The following ATRX variants were observed in gnomAD, a reference collection of about 807,000 sequenced individuals.
ATRX encodes chromatin remodeler ATRX.
In ATRX, 12 loss-of-function variants were observed where a neutral mutation model predicts 172.6. The ratio of observed to expected loss-of-function variants is 0.07; its 90% CI spans 0.04 to 0.11. The LOEUF is 0.11. ATRX is among the 10% of genes least tolerant of loss of function. The probability of loss-of-function intolerance (pLI) is 1.00; values close to 1 mark genes in which losing one functional copy is unlikely to be tolerated. For synonymous variants in ATRX, 674 were observed against 594.7 expected (o/e 1.13, Z -1.94); for missense variants, 1,368 against 1,767.4 (o/e 0.77, Z 4.05).
At chrX:77,657,283 A>C (rs1370697697) in intron 12 of ATRX, among the ~76,000 whole-genome samples, 3 of 111,910 alleles carry the variant, frequency 2.7e-5, no homozygotes, top group African/African-American at 9.7e-5. Context: ...TCTAGCCACA[A>C]CACCAGGAAA....
rs2071309326 is a variant in ATRX at position 77,682,825 on chromosome X, G to C, written c.2431C>G (p.Gln811Glu). 3 of 1,207,061 alleles carry C rather than the reference G, an allele frequency of 2.5e-6. No individual in the cohort carries two copies. In the East Asian group the frequency reaches 8.9e-5, roughly 36 times the overall value. Residue 811 changes from glutamine to glutamate, a missense_variant, in exon 9 of 35, where the codon CAG (glutamine) becomes GAG (glutamate). This residue lies in a region of ATRX where 843 missense variants were observed against 643.1 expected (regional missense o/e 1.31). Transcript: ENST00000373344. ...SIISKKKRQT[Q>E]SESSNYDSEL... ...GAGTCATAATTAGAAGACTCAGACT[G>C]GGTTTGTCGTTTCTTTTTAGAAATT...
chrX:77,527,891 A>T (rs1487033932), intron 30 of ATRX, among the ~76,000 whole-genome samples: 1 of 111,632 alleles, frequency 9.0e-6, no homozygotes, highest in Non-Finnish European at 1.9e-5. Flanking sequence ...GGCCCAGAGG[A>T]GGAGGGGCCG....
At position 77,683,216 on chromosome X, in the gene ATRX, T is replaced by C. The variant is rs1557140393; in HGVS notation, c.2040A>G (p.Glu680=). The C allele has an allele frequency of 8.3e-7, 1 of 1,211,346 alleles. No homozygotes were observed. Among genetic ancestry groups the C allele is most frequent in the East Asian group, 3.0e-5 (1 of 33,855 alleles). The part of the protein sequence containing the change: ...TNPVTSNSDE[E]CNETVKEKQK... ...GTTTCTCCTTAACTGTTTCATTACA[T>C]TCTTCATCTGAATTAGATGTTACAG... Residue 680 remains glutamate (E), a synonymous_variant, in exon 9 of 35, where the codon GAA becomes GAG. Coordinates refer to ENST00000373344, the MANE Select transcript of ATRX (RefSeq NM_000489.6).
In ATRX at chrX:77,634,645, T is replaced by G; in HGVS notation, c.4758A>C (p.Pro1586=). 2 of 1,211,704 alleles carry G rather than the reference T, an allele frequency of 1.7e-6. No homozygotes were observed. The highest frequency in any genetic ancestry group is 5.9e-5 in the East Asian group (2 of 33,844). Residue 1586 remains proline (P), a synonymous_variant, in exon 17 of 35, where the codon CCA becomes CCC. Coordinates refer to ENST00000373344, the MANE Select transcript of ATRX (RefSeq NM_000489.6). ...AGTGGGCAAGAATGCATCCTGAACC[T>G]GGAGATTTCTTTGTTTTTTTCACAG... ...CESVKKTKKS[P]GSGCILAHCM... is the part of the protein sequence containing the mutation.
chrX:77,630,329 C>T (rs1330849657), intron 19 of ATRX, among the ~76,000 whole-genome samples: 2 of 111,864 alleles, frequency 1.8e-5, no homozygotes, highest in African/African-American at 6.5e-5. Context: ...AATTAATCTA[C>T]AGATTCAATG....
chrX:77,670,240 ATAGAG>A (rs2070484945), intron 10 of ATRX, among the ~76,000 whole-genome samples: 2 of 112,006 alleles, frequency 1.8e-5, no homozygotes, highest in African/African-American at 3.2e-5. Flanking sequence ...CAATATCATA[ATAGAG>A]TACTTAATTT....
rs139948612 is a variant in ATRX at position 77,506,897 on chromosome X, C to CTTTTTTTTTT, written c.*1444_*1453dup. ...TAAAGCAAAGCCCAAACCCAGTTTT[C>CTTTTTTTTTT]TTTTTTTTTTTTTTTTTTTTTTTTT... On this transcript the variant is annotated 3_prime_UTR_variant, in exon 35 of 35. Transcript: ENST00000373344. The CTTTTTTTTTT allele has an allele frequency of 3.3e-5, 2 of 60,055 alleles. No individual in the cohort carries two copies. Among genetic ancestry groups the CTTTTTTTTTT allele is most frequent in the Non-Finnish European group, 6.1e-5 (2 of 32,940 alleles). 4.9% of individuals were successfully genotyped at this position (60,055 alleles called of 1,213,427 possible).
chrX:77,588,750 T>C (rs2148081342), intron 27 of ATRX, among the ~76,000 whole-genome samples: 1 of 111,962 alleles, frequency 8.9e-6, no homozygotes, highest in Admixed American at 9.5e-5. Flanking sequence ...GTAGAATATA[T>C]TTTTTAAAAC....
At chrX:77,579,490 C>T (rs1346372806) in intron 27 of ATRX, among the ~76,000 whole-genome samples, 1 of 105,558 alleles carries the variant, frequency 9.5e-6, no homozygotes, top group Non-Finnish European at 1.9e-5. Flanking sequence ...AGGAAGAGAA[C>T]AAGATTCTCC....
chrX:77,716,318 A>T (rs1423045054), intron 2 of ATRX, among the ~76,000 whole-genome samples: 2 of 60,268 alleles, frequency 3.3e-5, no homozygotes, highest in East Asian at 4.6e-4. Context: ...AAAAAAAAAA[A>T]AAAAAATATA....
intron 8 of ATRX, 137 bp from the exon 9 acceptor site, chrX:77,684,730 G>T: frequency 2.4e-6 from 2 of 823,749 alleles, no homozygotes; most frequent in South Asian, 5.1e-5. Context: ...AAATTTTACT[G>T]CCAGTAATTT....
intron 1 of ATRX, 63 bp downstream of exon 1, chrX:77,785,919 A>C: frequency 8.7e-7 from 1 of 1,146,273 alleles, no homozygotes. Context: ...CTTCCCAAAC[A>C]CCCGACTCAG....
intron 31 of ATRX, among the ~76,000 whole-genome samples, chrX:77,522,755 G>T (rs1331309491): frequency 8.9e-6 from 1 of 111,974 alleles, no homozygotes; most frequent in Non-Finnish European, 1.9e-5. Context: ...GCTCAAGTGG[G>T]TTGATGTTTA....
intron 1 of ATRX, among the ~76,000 whole-genome samples, chrX:77,747,088 C>T (rs782478251): frequency 3.6e-5 from 4 of 111,241 alleles, no homozygotes; most frequent in East Asian, 2.9e-4. Context: ...CGTGAGCCAC[C>T]GCGCCCGGCC....
intron 10 of ATRX, among the ~76,000 whole-genome samples, chrX:77,672,384 G>A (rs1557131348): frequency 9.0e-6 from 1 of 111,053 alleles, no homozygotes; most frequent in African/African-American, 3.3e-5. Flanking sequence ...GCCATTAATT[G>A]TGCTGAAATC....
intron 27 of ATRX, among the ~76,000 whole-genome samples, chrX:77,585,444 T>G (rs2065971440): frequency 9.6e-6 from 1 of 104,459 alleles, no homozygotes; most frequent in African/African-American, 3.5e-5. Context: ...GGCGTGGTAG[T>G]GTATGCCTGT....
At chrX:77,606,740 T>TA (rs782485138) in intron 22 of ATRX, among the ~76,000 whole-genome samples, 1 of 68,813 alleles carries the variant, frequency 1.5e-5, no homozygotes, top group Non-Finnish European at 2.5e-5. Flanking sequence ...CTGGGCAACA[T>TA]AGAGACCTCA....
chrX:77,664,524 T>C (rs1251300289), intron 11 of ATRX, 121 bp downstream of exon 11: 3 of 988,884 alleles, frequency 3.0e-6, no homozygotes, highest in Non-Finnish European at 4.2e-6. Flanking sequence ...GTCCTGAGAT[T>C]ATAGGCGTGA....
intron 1 of ATRX, among the ~76,000 whole-genome samples, chrX:77,730,317 C>T (rs1372499644): frequency 8.9e-6 from 1 of 112,103 alleles, no homozygotes; most frequent in Non-Finnish European, 1.9e-5. Flanking sequence ...ATGCACCCAA[C>T]ACTGGAGCAC....
Sources: allele counts gnomAD v4.1 joint callset (sites outside exome capture counted in the v4.1 genomes callset), GRCh38; gene constraint gnomAD v4.1.1; regional missense constraint gnomAD v4.1.1; transcripts MANE v1.5; gene names NCBI Gene and HGNC (gene_info 2026-07-23, HGNC 2026-07-21).